FAM170A: variants seen among roughly 807,000 people sequenced by gnomAD.
FAM170A encodes the protein family with sequence similarity 170 member A.
FAM170A carries 28 observed loss-of-function variants against 36.6 expected under a neutral mutation model. The ratio of observed to expected loss-of-function variants is 0.76; its 90% CI spans 0.57 to 1.05. The LOEUF is 1.05. Among genes scored for constraint, FAM170A ranks in the 50% least tolerant of loss-of-function variants. FAM170A has a pLI of 0.00. For synonymous variants in FAM170A, 156 were observed against 143.9 expected, an observed-to-expected ratio of 1.08 and a Z score of -0.60; for missense variants, 434 against 396.5, an observed-to-expected ratio of 1.09 and a Z score of -0.80.
At chr5:119,634,669 C>T (rs1260981731) in exon 3 of FAM170A, 5 of 1,588,380 alleles carry the variant, frequency 3.1e-6, no homozygotes, top group Middle Eastern at 1.7e-4. Context: ...CAGAAGAAGA[C>T]CTTGGCCTGA....
chr5:119,634,973 T>C (rs1000716691), intron 3 of FAM170A, 55 bp from the exon 4 acceptor site: 4 of 1,610,440 alleles, frequency 2.5e-6, no homozygotes, highest in Non-Finnish European at 3.4e-6. Flanking sequence ...ATTCTGAGAA[T>C]TTCAAAAGTC....
chr5:119,634,108 CA>C lies in FAM170A; in HGVS notation c.363del (p.Glu122ArgfsTer5), dbSNP rs768187765. On this transcript the variant is annotated frameshift_variant, in exon 3 of 5. Transcript: ENST00000613773. LOFTEE classifies it high-confidence loss of function. ...CTTGTGTGTCCTCTCTGTGTGTAAACAAAGAGGAAAGGGGCATGAAAATATA... is the reference window on the plus strand; with the variant it reads ...CTTGTGTGTCCTCTCTGTGTGTAAACAAGAGGAAAGGGGCATGAAAATATA... The C allele has an allele frequency of 6.2e-7, 1 of 1,614,070 alleles. No individual in the cohort carries two copies. Among genetic ancestry groups the C allele is most frequent in the Non-Finnish European group, 8.5e-7 (1 of 1,179,992 alleles).
At chr5:119,632,064 C>T (rs1369872105) in intron 1 of FAM170A, among the ~76,000 whole-genome samples, 2 of 152,138 alleles carry the variant, frequency 1.3e-5, no homozygotes, top group African/African-American at 4.8e-5. Context: ...CATACTTACG[C>T]TAAAAAAATT....
intron 2 of FAM170A, 63 bp from the exon 3 acceptor site, chr5:119,633,897 T>G (rs984720200): frequency 3.3e-5 from 51 of 1,548,414 alleles, no homozygotes; most frequent in Non-Finnish European, 3.4e-5. Flanking sequence ...ATATTTAACT[T>G]ACGTTCCCTC....
intron 1 of FAM170A, among the ~76,000 whole-genome samples, chr5:119,630,945 G>A (rs1355162932): frequency 6.6e-6 from 1 of 152,204 alleles, no homozygotes; most frequent in African/African-American, 2.4e-5. Context: ...CTTGTTTAGG[G>A]ATGGCGTCAT....
intron 2 of FAM170A, among the ~76,000 whole-genome samples, chr5:119,633,560 C>T (rs569692444): frequency 6.6e-6 from 1 of 152,214 alleles, no homozygotes; most frequent in South Asian, 2.1e-4. Flanking sequence ...CTCACACATA[C>T]AGCCACACGC....
Position 119,632,628 on chromosome 5 carries a change from A to G in FAM170A, c.71-120A>G, listed in dbSNP as rs558018787. On this transcript the variant is annotated intron_variant, in intron 1 of 4. Coordinates refer to ENST00000613773, the Ensembl canonical transcript of FAM170A. ...TATCCACCAGAAGCCTGTCTCACAAACCATGTGTGTTCACTACACCTGACA... is the reference window on the plus strand; with the variant it reads ...TATCCACCAGAAGCCTGTCTCACAAGCCATGTGTGTTCACTACACCTGACA... 39 of 904,278 alleles carry G rather than the reference A, an allele frequency of 4.3e-5. No individual in the cohort carries two copies. In the African/African-American group the frequency reaches 5.6e-4, roughly 13 times the overall value. The allele number at this position is 904,278 out of a possible 1,614,324, so 56.0% of individuals were successfully genotyped here.
chr5:119,631,028 A>G (rs1561523383), intron 1 of FAM170A, among the ~76,000 whole-genome samples: 1 of 152,240 alleles, frequency 6.6e-6, no homozygotes. Flanking sequence ...TTGTGAATCC[A>G]CAGTGTGGGA....
At chr5:119,634,891 C>A in intron 3 of FAM170A, 137 bp from the exon 4 acceptor site, 2 of 1,274,798 alleles carry the variant, frequency 1.6e-6, no homozygotes, top group Non-Finnish European at 2.2e-6. Flanking sequence ...ATCCCTGCTT[C>A]TTGCCTAGGC....
intron 4 of FAM170A, among the ~76,000 whole-genome samples, chr5:119,635,387 A>G (rs1473878814): frequency 6.6e-6 from 1 of 152,240 alleles, no homozygotes; most frequent in Non-Finnish European, 1.5e-5. Flanking sequence ...GCCTGAAAGG[A>G]CAGGATGCCA....
exon 4 of FAM170A, chr5:119,635,044 G>T (rs752761465): frequency 1.2e-5 from 19 of 1,614,064 alleles, no homozygotes; most frequent in Non-Finnish European, 1.6e-5. Context: ...AGACTTATGG[G>T]CCAGAAGATA....
At chr5:119,632,888 G>C in exon 2 of FAM170A, 1 of 1,596,808 alleles carries the variant, frequency 6.3e-7, no homozygotes, top group South Asian at 1.1e-5. Flanking sequence ...CATCCACAGT[G>C]GTAAGGGTGC....
rs759108761 is a variant in FAM170A at position 119,634,748 on chromosome 5, G to C, written c.986+14G>C. 2.6e-6 allele frequency: 4 copies of C among 1,525,968 alleles called. No individual in the cohort carries two copies. Among genetic ancestry groups the C allele is most frequent in the Non-Finnish European group, 3.5e-6 (4 of 1,139,406 alleles). The allele number at this position is 1,525,968 out of a possible 1,614,324, so 94.5% of individuals were successfully genotyped here. ...AAAGGACAGGAAGTGAGCAAAGCCT[G>C]GGTTGTGGGTCTGCTGAGGGAGCAA... is the stretch of plus-strand genomic sequence containing the variant. On this transcript the variant is annotated intron_variant, in intron 3 of 4. Coordinates refer to ENST00000613773, the Ensembl canonical transcript of FAM170A.
rs202216523 is a variant in FAM170A, at chr5:119,632,064, CTAAAAAAA to C, written c.71-682_71-675del. Reference sequence around the variant, plus strand: ...AAATATTGCACGGGACATACTTACGCTAAAAAAATTATTTGTAATTTATCTAAAATTCA... The same window carrying C: ...AAATATTGCACGGGACATACTTACGCTTATTTGTAATTTATCTAAAATTCA... On this transcript the variant is annotated intron_variant, in intron 1 of 4. Coordinates refer to ENST00000613773, the Ensembl canonical transcript of FAM170A. Among the ~76,000 whole-genome samples, 40 of 152,254 alleles carry C rather than the reference CTAAAAAAA, an allele frequency of 2.6e-4. 1 individual carries two copies. In the East Asian group the frequency reaches 7.5e-3, roughly 29 times the overall value.
At chr5:119,633,005 G>A in intron 2 of FAM170A, 117 bp downstream of exon 2, 2 of 1,220,020 alleles carry the variant, frequency 1.6e-6, no homozygotes, top group Non-Finnish European at 2.2e-6. Flanking sequence ...AGTGCTGCTT[G>A]GGTGTAAGAC....
intron 4 of FAM170A, 35 bp downstream of exon 4, chr5:119,635,121 G>T (rs1339938794): frequency 1.4e-6 from 2 of 1,480,746 alleles, no homozygotes; most frequent in African/African-American, 2.8e-5. Context: ...CTGAGGCTGT[G>T]TTGTGAGGGC....
At chr5:119,635,115 G>T in intron 4 of FAM170A, 29 bp downstream of exon 4, 1 of 1,540,328 alleles carries the variant, frequency 6.5e-7, no homozygotes. Flanking sequence ...AGTTTTCTGA[G>T]GCTGTGTTGT....
In FAM170A at chr5:119,629,678, T is replaced by C; in HGVS notation, c.-91T>C. On this transcript the variant is annotated 5_prime_UTR_variant, in exon 1 of 5. An upstream start codon of the reference 5' UTR is lost. Transcript: ENST00000613773. ...GTTTACTCGTACTGAATCTTTTTAATGAATTTCCTGAGAGCCAAGAAGGGC... is the reference window on the plus strand; with the variant it reads ...GTTTACTCGTACTGAATCTTTTTAACGAATTTCCTGAGAGCCAAGAAGGGC... 8 of 967,512 alleles carry C rather than the reference T, an allele frequency of 8.3e-6. No homozygotes were observed. Among genetic ancestry groups the C allele is most frequent in the Non-Finnish European group, 1.3e-5 (8 of 615,954 alleles). 59.9% of individuals were successfully genotyped at this position (967,512 alleles called of 1,614,324 possible).
chr5:119,634,854 G>A, intron 3 of FAM170A, 120 bp downstream of exon 3: 2 of 1,253,698 alleles, frequency 1.6e-6, no homozygotes, highest in East Asian at 2.4e-5. Context: ...ATTGGCTCAG[G>A]GAACAATGGA....
Sources: gnomAD v4.1 joint callset for allele counts (sites outside exome capture counted in the v4.1 genomes callset) on GRCh38, gnomAD v4.1.1 for gene constraint, MANE v1.5 for transcripts, NCBI Gene and HGNC (gene_info 2026-07-23, HGNC 2026-07-21) for gene names.